Variants in GRID2 observed in about 807,000 individuals in gnomAD.
The protein encoded by GRID2 is glutamate receptor ionotropic, delta-2.
In GRID2, 33 loss-of-function variants were observed where a neutral mutation model predicts 114.8. That is an observed-to-expected ratio of 0.29 (90% CI 0.22 to 0.38). The LOEUF is 0.38. GRID2 is among the 10% of genes least tolerant of loss of function. The pLI is 1.00. For synonymous variants in GRID2, 505 were observed against 449.9 expected, an observed-to-expected ratio of 1.12 and a Z score of -1.55; for missense variants, 1,184 against 1,257.7, an observed-to-expected ratio of 0.94 and a Z score of 0.89.
At chr4:93,431,430 GA>G (rs948520237) in intron 10 of GRID2, among the ~76,000 whole-genome samples, 6 of 151,682 alleles carry the variant, frequency 4.0e-5, no homozygotes, top group Admixed American at 6.6e-5. Context: ...AAGAATTTAT[GA>G]AAAAAAATAA....
chr4:93,413,454 AC>A (rs1274090182), intron 9 of GRID2, among the ~76,000 whole-genome samples: 1 of 151,974 alleles, frequency 6.6e-6, no homozygotes, highest in Non-Finnish European at 1.5e-5. Context: ...TGAGGCTTTC[AC>A]TTTTTTATTG....
intron 4 of GRID2, among the ~76,000 whole-genome samples, chr4:93,172,640 A>G (rs1357670286): frequency 6.6e-6 from 1 of 152,138 alleles, no homozygotes; most frequent in Non-Finnish European, 1.5e-5. Context: ...ATTGGAAAAT[A>G]TATCTAATCA....
In GRID2 at chr4:92,535,935, T is replaced by A. The variant is rs544807196; in HGVS notation, c.89-54196T>A. ...CTGGACTTGTTCTCCTCCTGGTGGG[T>A]TCATGGTCTCACTGGCTTCAGGAGA... On this transcript the variant is annotated intron_variant, in intron 1 of 15. Coordinates refer to ENST00000282020, the MANE Select transcript of GRID2 (RefSeq NM_001510.4). Among the ~76,000 whole-genome samples, 5 of 152,248 alleles carry A rather than the reference T, an allele frequency of 3.3e-5. No individual in the cohort carries two copies. In the South Asian group the frequency reaches 8.3e-4, roughly 25 times the overall value.
Position 93,082,808 on chromosome 4 carries a change from GT to G in GRID2, c.245-2183del, listed in dbSNP as rs567861399. Among the ~76,000 whole-genome samples, 1,048 of 152,222 alleles carry G rather than the reference GT, an allele frequency of 6.9e-3. 8 individuals carry two copies. The highest frequency in any genetic ancestry group is 0.017 in the Middle Eastern group (5 of 294). ...AAGTTTTTGTATACAAAATTAACTG[GT>G]TTTAGTATCTGCTTAGTTCGTGTTT... On this transcript the variant is annotated intron_variant, in intron 2 of 15. Transcript: ENST00000282020.
intron 2 of GRID2, among the ~76,000 whole-genome samples, chr4:92,955,988 G>A (rs576039660): frequency 2.0e-5 from 3 of 152,176 alleles, no homozygotes; most frequent in African/African-American, 7.2e-5. Flanking sequence ...CAAAGTGCTG[G>A]GATCACAGGC....
intron 2 of GRID2, among the ~76,000 whole-genome samples, chr4:92,995,638 A>G (rs981868561): frequency 6.6e-6 from 1 of 152,172 alleles, no homozygotes; most frequent in African/African-American, 2.4e-5. Flanking sequence ...TAAAAATGTA[A>G]TAGTATTAAT....
intron 2 of GRID2, among the ~76,000 whole-genome samples, chr4:92,797,205 G>A (rs1439441475): frequency 6.6e-6 from 1 of 151,916 alleles, no homozygotes; most frequent in Non-Finnish European, 1.5e-5. Flanking sequence ...TTTATCCAAG[G>A]TTTATGGTAT....
At chr4:93,716,799 AT>A (rs1439978874) in intron 14 of GRID2, among the ~76,000 whole-genome samples, 1 of 152,074 alleles carries the variant, frequency 6.6e-6, no homozygotes, top group Admixed American at 6.6e-5. Context: ...TTCAACATGA[AT>A]TTAAAAGTTA....
intron 2 of GRID2, among the ~76,000 whole-genome samples, chr4:92,937,537 T>C (rs889096421): frequency 5.5e-5 from 8 of 146,506 alleles, no homozygotes; most frequent in Admixed American, 2.2e-4. Flanking sequence ...AATTGATCAG[T>C]ATGTTTATCC....
chr4:92,950,906 C>G (rs1751987395), intron 2 of GRID2, among the ~76,000 whole-genome samples: 2 of 152,062 alleles, frequency 1.3e-5, no homozygotes, highest in Admixed American at 1.3e-4. Flanking sequence ...TTGAAAATTA[C>G]TTGGCAAATC....
chr4:92,579,990 T>A (rs1421304655), intron 1 of GRID2, among the ~76,000 whole-genome samples: 10 of 135,614 alleles, frequency 7.4e-5, no homozygotes, highest in Non-Finnish European at 1.5e-4. Flanking sequence ...GTATATGTAT[T>A]TTACATATAT....
chr4:93,397,354 T>G (rs1400045348), intron 9 of GRID2, among the ~76,000 whole-genome samples: 1 of 151,922 alleles, frequency 6.6e-6, no homozygotes, highest in Non-Finnish European at 1.5e-5. Context: ...TGCACTAATA[T>G]TAAAAAAGAC....
At chr4:92,327,966 A>G (rs1258714609) in intron 1 of GRID2, among the ~76,000 whole-genome samples, 1 of 152,048 alleles carries the variant, frequency 6.6e-6, no homozygotes, top group African/African-American at 2.4e-5. Context: ...TCAGGAAAGG[A>G]AAAAAAGGAA....
intron 4 of GRID2, among the ~76,000 whole-genome samples, chr4:93,128,987 T>G (rs958640400): frequency 6.6e-6 from 1 of 152,202 alleles, no homozygotes; most frequent in African/African-American, 2.4e-5. Flanking sequence ...TCTCAAGATA[T>G]ATTGATTGCC....
At chr4:92,611,490 A>G (rs762457699) in intron 2 of GRID2, among the ~76,000 whole-genome samples, 13 of 151,574 alleles carry the variant, frequency 8.6e-5, no homozygotes, top group Non-Finnish European at 1.5e-5. Context: ...GAGGCCCTGT[A>G]TTAAAATTAA....
intron 2 of GRID2, among the ~76,000 whole-genome samples, chr4:92,735,863 G>C (rs1736570726): frequency 6.6e-6 from 1 of 151,794 alleles, no homozygotes; most frequent in Admixed American, 6.6e-5. Context: ...GGATCTTGAG[G>C]TCACATGAAA....
intron 8 of GRID2, among the ~76,000 whole-genome samples, chr4:93,312,298 T>G (rs1191939531): frequency 6.6e-6 from 1 of 152,184 alleles, no homozygotes; most frequent in Admixed American, 6.5e-5. Context: ...GTTTGAGTTT[T>G]TCTGTAATAC....
chr4:93,131,551 T>C (rs1256705270), intron 4 of GRID2, among the ~76,000 whole-genome samples: 1 of 151,660 alleles, frequency 6.6e-6, no homozygotes, highest in Admixed American at 6.6e-5. Context: ...ATTTGTAATA[T>C]TGTTGTTTTC....
At chr4:92,335,072 C>G (rs28550894) in intron 1 of GRID2, among the ~76,000 whole-genome samples, 28,355 of 152,144 alleles carry the variant, frequency 0.19, 3,916 homozygotes, top group African/African-American at 0.4. Flanking sequence ...ATGACCTCTT[C>G]AGCAGTTGAC....
Sources: allele counts gnomAD v4.1 joint callset (sites outside exome capture counted in the v4.1 genomes callset), GRCh38; gene constraint gnomAD v4.1.1; transcripts MANE v1.5; gene names NCBI Gene and HGNC (gene_info 2026-07-23, HGNC 2026-07-21).